Variants in PBLD observed in about 807,000 individuals in gnomAD.
The protein encoded by PBLD is phenazine biosynthesis like protein domain containing.
A neutral mutation model predicts 31.3 loss-of-function variants in PBLD; 26 were observed. The ratio of observed to expected loss-of-function variants is 0.83; its 90% CI spans 0.61 to 1.15. The LOEUF (loss-of-function observed/expected upper bound fraction) is 1.15, where lower values mean the gene tolerates loss of function less well. PBLD is among the 50% of genes most tolerant of loss of function. The pLI, the probability that PBLD is intolerant of heterozygous loss-of-function variation, is 0.00. For missense variants in PBLD, 307 were observed against 351.7 expected, an observed-to-expected ratio of 0.87 and a Z score of 1.02; for synonymous variants, 114 against 129.0, an observed-to-expected ratio of 0.88 and a Z score of 0.79.
intron 1 of PBLD, among the ~76,000 whole-genome samples, chr10:68,318,637 G>A (rs142123124): frequency 6.6e-6 from 1 of 152,100 alleles, no homozygotes; most frequent in East Asian, 1.9e-4. Flanking sequence ...AGGTGAGGTG[G>A]GAATGGAGCT....
intron 1 of PBLD, among the ~76,000 whole-genome samples, chr10:68,323,033 G>A (rs995042388): frequency 3.3e-5 from 5 of 151,120 alleles, no homozygotes; most frequent in African/African-American, 1.2e-4. Flanking sequence ...GAGCCACTGT[G>A]CCAGCCAAAT....
chr10:68,307,204 G>C (rs1245116079), intron 1 of PBLD, among the ~76,000 whole-genome samples: 2 of 151,616 alleles, frequency 1.3e-5, no homozygotes, highest in African/African-American at 4.8e-5. Flanking sequence ...TAATTTCTGT[G>C]TTTTTAGTAG....
chr10:68,285,113 C>G (rs1452592547), intron 9 of PBLD: 4 of 1,325,166 alleles, frequency 3.0e-6, no homozygotes, highest in Non-Finnish European at 3.8e-6. Context: ...TCAACAAACA[C>G]TTATTGGGCA....
At chr10:68,313,812 C>T (rs1386421396) in intron 1 of PBLD, among the ~76,000 whole-genome samples, 1 of 152,062 alleles carries the variant, frequency 6.6e-6, no homozygotes, top group Non-Finnish European at 1.5e-5. Context: ...AAACCTTTAC[C>T]ATATGCCAGA....
intron 4 of PBLD, 114 bp downstream of exon 4, chr10:68,296,150 ACT>A: frequency 1.4e-6 from 1 of 734,160 alleles, no homozygotes; most frequent in South Asian, 2.2e-5. Flanking sequence ...CATGAAGTAA[ACT>A]CTGCAGAGTC....
intron 2 of PBLD, among the ~76,000 whole-genome samples, chr10:68,305,429 T>C (rs893612660): frequency 6.6e-6 from 1 of 151,412 alleles, no homozygotes; most frequent in Non-Finnish European, 1.5e-5. Flanking sequence ...TCCATCATGA[T>C]TGCACACTGG....
chr10:68,316,939 G>A (rs188542099), intron 1 of PBLD, among the ~76,000 whole-genome samples: 37 of 152,250 alleles, frequency 2.4e-4, no homozygotes, highest in Admixed American at 7.2e-4. Context: ...CTTGAGACCC[G>A]GAGATGGAGG....
chr10:68,308,845 G>GCTGT (rs1554859233), intron 1 of PBLD, among the ~76,000 whole-genome samples: 1 of 130,360 alleles, frequency 7.7e-6, no homozygotes, highest in Non-Finnish European at 1.6e-5. Flanking sequence ...TGACCTGCAT[G>GCTGT]GTGTGTGTGT....
intron 2 of PBLD, 86 bp downstream of exon 2, chr10:68,306,675 C>G: frequency 8.1e-7 from 1 of 1,231,578 alleles, no homozygotes; most frequent in Non-Finnish European, 1.2e-6. Context: ...GGTAAACAAA[C>G]AGGTGAAACT....
intron 1 of PBLD, among the ~76,000 whole-genome samples, chr10:68,319,067 G>GA (rs1486215775): frequency 1.7e-5 from 2 of 116,212 alleles, no homozygotes; most frequent in Non-Finnish European, 3.4e-5. Context: ...AAGAAAGAAA[G>GA]AAAGAAAGAA....
At chr10:68,298,060 G>T (rs1400683809) in intron 2 of PBLD, among the ~76,000 whole-genome samples, 1 of 151,308 alleles carries the variant, frequency 6.6e-6, no homozygotes, top group Non-Finnish European at 1.5e-5. Context: ...GAGACCAGGA[G>T]TTCAAGACCA....
chr10:68,313,649 A>T (rs902448717), intron 1 of PBLD, among the ~76,000 whole-genome samples: 2 of 152,190 alleles, frequency 1.3e-5, no homozygotes, highest in Non-Finnish European at 2.9e-5. Flanking sequence ...ACCATTTACC[A>T]AACAAATTTT....
chr10:68,317,478 A>G (rs1564736600), intron 1 of PBLD, among the ~76,000 whole-genome samples: 1 of 152,150 alleles, frequency 6.6e-6, no homozygotes, highest in Non-Finnish European at 1.5e-5. Context: ...ACATCATCTC[A>G]CACCTTTCAG....
Position 68,324,453 on chromosome 10 carries a change from G to T in PBLD, c.-60+8331C>A, listed in dbSNP as rs182623537. Among the ~76,000 whole-genome samples, 21 of 152,072 alleles carry T rather than the reference G, an allele frequency of 1.4e-4. No homozygotes were observed. The East Asian group carries it at 4.1e-3, about 30-fold the overall frequency. On this transcript the variant is annotated intron_variant, in intron 1 of 9. Transcript: ENST00000358769. ...GCCTCCCAAAGTGCTGAGATTACAG[G>T]TGTGAGCCACTGTGCCCAGCCAAAT...
intron 1 of PBLD, among the ~76,000 whole-genome samples, chr10:68,330,791 C>G (rs1225128090): frequency 6.6e-6 from 1 of 150,694 alleles, no homozygotes; most frequent in Admixed American, 6.6e-5. Context: ...ACCGTGTTAG[C>G]CAGGATGAAC....
intron 1 of PBLD, among the ~76,000 whole-genome samples, chr10:68,318,487 T>C (rs923367496): frequency 6.7e-6 from 1 of 148,166 alleles, no homozygotes; most frequent in Non-Finnish European, 1.5e-5. Context: ...ATCATGCCAC[T>C]GCACTGTAGC....
chr10:68,314,352 C>T (rs2044708321), intron 1 of PBLD, among the ~76,000 whole-genome samples: 1 of 152,112 alleles, frequency 6.6e-6, no homozygotes, highest in African/African-American at 2.4e-5. Flanking sequence ...TTTGCTCTAT[C>T]TTGAAATTAA....
At chr10:68,300,375 A>G (rs1216388706) in intron 2 of PBLD, among the ~76,000 whole-genome samples, 1 of 152,200 alleles carries the variant, frequency 6.6e-6, no homozygotes, top group Non-Finnish European at 1.5e-5. Context: ...TAACCCTGTA[A>G]CATGCTACAG....
intron 1 of PBLD, among the ~76,000 whole-genome samples, chr10:68,321,937 C>G (rs2044840660): frequency 6.6e-6 from 1 of 152,214 alleles, no homozygotes; most frequent in African/African-American, 2.4e-5. Flanking sequence ...ATCTAGCTAA[C>G]TACCTAATCT....
Sources: allele counts gnomAD v4.1 joint callset (sites outside exome capture counted in the v4.1 genomes callset), GRCh38; gene constraint gnomAD v4.1.1; transcripts MANE v1.5; gene names NCBI Gene and HGNC (gene_info 2026-07-23, HGNC 2026-07-21).